Variants in STXBP4 observed in about 807,000 individuals in gnomAD.
STXBP4 encodes the protein syntaxin-binding protein 4.
A neutral mutation model predicts 76.1 loss-of-function variants in STXBP4; 55 were observed. The ratio of observed to expected loss-of-function variants is 0.72; its 90% CI spans 0.58 to 0.91. STXBP4 has a LOEUF of 0.91. Ranked by LOEUF, STXBP4 falls within the 40% of genes least tolerant of loss-of-function variation. STXBP4 has a pLI of 0.00. For synonymous variants in STXBP4, 201 were observed against 220.2 expected, an observed-to-expected ratio of 0.91 and a Z score of 0.77; for missense variants, 618 against 636.9, an observed-to-expected ratio of 0.97 and a Z score of 0.32.
intron 17 of STXBP4, among the ~76,000 whole-genome samples, chr17:55,147,003 A>G (rs2080164542): frequency 6.6e-6 from 1 of 152,204 alleles, no homozygotes; most frequent in Non-Finnish European, 1.5e-5. Context: ...CGCCTACCTA[A>G]AAGTATGAAT....
intron 16 of STXBP4, among the ~76,000 whole-genome samples, chr17:55,099,884 A>G (rs906922603): frequency 6.6e-6 from 1 of 152,182 alleles, no homozygotes; most frequent in Non-Finnish European, 1.5e-5. Flanking sequence ...TGATTAAAAT[A>G]TTTCTGTCGA....
chr17:55,043,474 A>G, intron 11 of STXBP4, 149 bp downstream of exon 11: 1 of 784,026 alleles, frequency 1.3e-6, no homozygotes, highest in Non-Finnish European at 1.9e-6. Context: ...TTCTTTATTC[A>G]GTTGGCCTTT....
At chr17:55,040,596 C>T (rs2078681241) in intron 10 of STXBP4, among the ~76,000 whole-genome samples, 1 of 152,100 alleles carries the variant, frequency 6.6e-6, no homozygotes, top group Non-Finnish European at 1.5e-5. Flanking sequence ...GTTGGAGCAG[C>T]AACAGTGAAG....
intron 16 of STXBP4, among the ~76,000 whole-genome samples, chr17:55,125,519 A>G (rs1266019748): frequency 1.3e-5 from 2 of 149,146 alleles, no homozygotes; most frequent in Non-Finnish European, 3.0e-5. Flanking sequence ...AAGCTTCTGG[A>G]AAGTGAATAT....
rs2080391287 is a variant in STXBP4, at chr17:55,168,795, C to G, written c.*8884C>G. On this transcript the variant is annotated 3_prime_UTR_variant, in exon 18 of 18. Transcript: ENST00000376352. ...CATTTCTTAAAGGAATATTCTACTG[C>G]AGTCTCTGAGATTTTTTTCCCTGTC... 6.6e-6 allele frequency: 1 copy of G among 152,164 alleles called. No homozygotes were observed. Among genetic ancestry groups the G allele is most frequent in the African/African-American group, 2.4e-5 (1 of 41,446 alleles). 9.4% of individuals were successfully genotyped at this position (152,164 alleles called of 1,614,324 possible).
intron 12 of STXBP4, among the ~76,000 whole-genome samples, chr17:55,069,605 G>A (rs182153832): frequency 3.4e-4 from 52 of 152,212 alleles, no homozygotes; most frequent in Admixed American, 5.9e-4. Context: ...CCATTCAGTG[G>A]TAACTGGGCT....
intron 4 of STXBP4, chr17:54,991,435 A>G (rs2144409650): frequency 6.6e-6 from 1 of 152,272 alleles, no homozygotes; most frequent in South Asian, 2.1e-4. Context: ...AAACCAGAAA[A>G]TGTCTTTTTT....
At chr17:55,048,448 A>G (rs950590423) in intron 12 of STXBP4, among the ~76,000 whole-genome samples, 1 of 151,928 alleles carries the variant, frequency 6.6e-6, no homozygotes, top group Non-Finnish European at 1.5e-5. Context: ...GATGATATCA[A>G]TGAAAGCTTT....
At chr17:55,174,906 A>G (rs1444836621), downstream of STXBP4, among the ~76,000 whole-genome samples, 2 of 152,140 alleles carry the variant, frequency 1.3e-5, no homozygotes, top group African/African-American at 4.8e-5. Flanking sequence ...TTTAAAGGGA[A>G]ACAGCTACTC....
intron 8 of STXBP4, among the ~76,000 whole-genome samples, chr17:55,010,264 A>G (rs2078085564): frequency 6.6e-6 from 1 of 151,826 alleles, no homozygotes. Context: ...ATATATATAT[A>G]CACACATACA....
chr17:55,002,399 ATACT>A (rs1287346356), intron 7 of STXBP4, among the ~76,000 whole-genome samples: 3 of 152,200 alleles, frequency 2.0e-5, no homozygotes, highest in Non-Finnish European at 4.4e-5. Context: ...TTTCTGTGAG[ATACT>A]TAATAGTATA....
intron 16 of STXBP4, among the ~76,000 whole-genome samples, chr17:55,111,478 G>A (rs181322550): frequency 6.6e-6 from 1 of 152,292 alleles, no homozygotes; most frequent in Admixed American, 6.5e-5. Context: ...TGGAGGTGGG[G>A]CCTGGTGGGA....
chr17:55,052,909 T>C (rs1457213584), intron 12 of STXBP4, among the ~76,000 whole-genome samples: 1 of 96,600 alleles, frequency 1.0e-5, no homozygotes. Flanking sequence ...AAAAAAGACG[T>C]GTATGACGTG....
chr17:55,101,873 C>G (rs2079570360), intron 16 of STXBP4, among the ~76,000 whole-genome samples: 1 of 152,112 alleles, frequency 6.6e-6, no homozygotes, highest in African/African-American at 2.4e-5. Flanking sequence ...TAGTAAATGC[C>G]AAAAGCTTGT....
At chr17:55,083,007 G>A (rs1005758649) in intron 16 of STXBP4, among the ~76,000 whole-genome samples, 1 of 151,692 alleles carries the variant, frequency 6.6e-6, no homozygotes, top group Admixed American at 6.6e-5. Context: ...TATTACCCAG[G>A]CTGGAGTGCA....
chr17:55,156,991 G>A (rs2080284594), intron 17 of STXBP4, among the ~76,000 whole-genome samples: 2 of 151,988 alleles, frequency 1.3e-5, no homozygotes, highest in African/African-American at 4.8e-5. Context: ...GCAATTTAAT[G>A]GAATGTTCAT....
At position 54,986,278 on chromosome 17, in the gene STXBP4, G is replaced by A. The variant is rs374436934; in HGVS notation, c.47+12G>A. 14 of 1,545,146 alleles carry A rather than the reference G, an allele frequency of 9.1e-6. No homozygotes were observed. Among genetic ancestry groups the A allele is most frequent in the Non-Finnish European group, 1.2e-5 (14 of 1,130,746 alleles). On this transcript the variant is annotated intron_variant, in intron 3 of 17. Coordinates refer to ENST00000376352, the MANE Select transcript of STXBP4 (RefSeq NM_178509.6). ...AGTCTACTTGAAAAGTAATTTTTAAGTTTAATATGTTTTGAAATATAGTTT... is the reference window on the plus strand; with the variant it reads ...AGTCTACTTGAAAAGTAATTTTTAAATTTAATATGTTTTGAAATATAGTTT...
At chr17:54,974,052 T>G (rs2077435927) in intron 1 of STXBP4, among the ~76,000 whole-genome samples, 1 of 152,218 alleles carries the variant, frequency 6.6e-6, no homozygotes, top group South Asian at 2.1e-4. Flanking sequence ...TATTTTAAAT[T>G]TTGGTATTTT....
At chr17:54,989,200 C>G (rs997118289) in intron 3 of STXBP4, among the ~76,000 whole-genome samples, 7 of 152,172 alleles carry the variant, frequency 4.6e-5, no homozygotes, top group Admixed American at 1.3e-4. Context: ...CTCTGCCTCC[C>G]GGGTTCACGC....
Sources: allele counts gnomAD v4.1 joint callset (sites outside exome capture counted in the v4.1 genomes callset), GRCh38; gene constraint gnomAD v4.1.1; transcripts MANE v1.5; gene names NCBI Gene and HGNC (gene_info 2026-07-23, HGNC 2026-07-21).